Variants in TTN observed in about 807,000 individuals in gnomAD.
The protein encoded by TTN is connectin.
A neutral mutation model predicts 3,223.0 loss-of-function variants in TTN; 1,525 were observed. That is an observed-to-expected ratio of 0.47 (90% CI 0.45 to 0.49). The LOEUF is 0.49. Ranked by LOEUF, TTN falls within the 20% of genes least tolerant of loss-of-function variation. The pLI, the probability that TTN is intolerant of heterozygous loss-of-function variation, is 0.00. For missense variants in TTN, 40,786 were observed against 43,424.0 expected (o/e 0.94, Z 5.40); for synonymous variants, 14,094 against 15,161.0 (o/e 0.93, Z 5.17).
Position 178,633,344 on chromosome 2 carries a change from T to A in TTN, c.42947-18A>T, listed in dbSNP as rs766977954. The A allele has an allele frequency of 1.2e-6, 2 of 1,613,012 alleles. No individual in the cohort carries two copies. The highest frequency in any genetic ancestry group is 2.7e-5 in the African/African-American group (2 of 74,956). On this transcript the variant is annotated intron_variant, in intron 232 of 362. Transcript: ENST00000589042. ...TAGTCGAGCTGAAATGATACAGTTT[T>A]GTTAGCATGACTGAACTAATAAACT...
intron 41 of TTN, 147 bp downstream of exon 41, chr2:178,766,234 T>C (rs534724347): frequency 1.3e-5 from 9 of 700,342 alleles, no homozygotes; most frequent in African/African-American, 5.3e-5. Flanking sequence ...TTTCCATAGA[T>C]ATAATGTGAA....
chr2:178,604,267 T>C lies in TTN; in HGVS notation c.54420A>G (p.Arg18140=), dbSNP rs1378104923. ...KLIPNGQYEF[R]VRAVNKYGIS... is the part of the protein sequence containing the mutation. ...TTCCATATTTATTCACTGCCCTGAC[T>C]CGGAACTCATACTGACCATTGGGGA... Residue 18140 remains arginine (R), a synonymous_variant, in exon 282 of 363, where the codon CGA becomes CGG. Transcript: ENST00000589042. 1 of 1,557,148 alleles carries C rather than the reference T, an allele frequency of 6.4e-7. No individual in the cohort carries two copies. The highest frequency in any genetic ancestry group is 1.4e-5 in the African/African-American group (1 of 73,186).
In TTN at chr2:178,641,273, G is replaced by A; in HGVS notation, c.40601C>T (p.Pro13534Leu). The A allele has an allele frequency of 1.3e-6, 2 of 1,509,338 alleles. No homozygotes were observed. Among genetic ancestry groups the A allele is most frequent in the Non-Finnish European group, 8.8e-7 (1 of 1,130,538 alleles). The allele number at this position is 1,509,338 out of a possible 1,614,324, so 93.5% of individuals were successfully genotyped here. ...RPEEEEPKVE[P>L]KKLEKVKKPA... ...TTTTTTAACTTTTTCTAGTTTTTTA[G>A]GTTCTACTTTAGGTTCTTCTTCTTC... The change falls in exon 220 of 363, where the codon CCT becomes CTT. Residue 13534 changes from proline (P) to leucine (L), a missense_variant. Physicochemically the swap from Pro to Leu is moderately conservative, Grantham distance 98. Transcript: ENST00000589042.
In TTN at chr2:178,717,524, T is replaced by G. The variant is rs188712460; in HGVS notation, c.25350A>C (p.Ser8450=). The G allele has an allele frequency of 6.3e-7, 1 of 1,597,858 alleles. No homozygotes were observed. Among genetic ancestry groups the G allele is most frequent in the African/African-American group, 1.3e-5 (1 of 74,332 alleles). ...TASSSAKLIL[S]EHEVPPFFDL... ...AAGAGGGTACTGTGAGTTACTCACCTGAGAGAATGAGCTTGGCACTGGATG... is the reference window on the plus strand; with the variant it reads ...AAGAGGGTACTGTGAGTTACTCACCGGAGAGAATGAGCTTGGCACTGGATG... The change falls in exon 87 of 363, where the codon TCA becomes TCC. Residue 8450 remains serine, a splice_region_variant and synonymous_variant. Transcript: ENST00000589042.
chr2:178,568,509 C>G lies in TTN; in HGVS notation c.77623G>C (p.Val25875Leu), dbSNP rs763284241. 6.2e-7 allele frequency: 1 copy of G among 1,613,450 alleles called. No individual in the cohort carries two copies. Among genetic ancestry groups the G allele is most frequent in the East Asian group, 2.2e-5 (1 of 44,800 alleles). Residue 25875 changes from valine (V) to leucine (L), a missense_variant, in exon 326 of 363, where the codon GTT becomes CTT. Coordinates refer to ENST00000589042, the MANE Select transcript of TTN (RefSeq NM_001267550.2). ...GGQYGITVAN[V>L]VGQKTASIEI... Reference sequence around the variant, plus strand: ...ATGGATGCTGTCTTCTGACCAACAACATTGGCAACTGTGATTCCATATTGT... The same window carrying G: ...ATGGATGCTGTCTTCTGACCAACAAGATTGGCAACTGTGATTCCATATTGT...
intron 22 of TTN, 129 bp downstream of exon 22, chr2:178,779,871 C>G: frequency 1.2e-6 from 1 of 855,878 alleles, no homozygotes; most frequent in Non-Finnish European, 1.8e-6. Context: ...GGAAACTTAG[C>G]AACAGTGAAC....
chr2:178,799,257 A>C (rs2093927165), intron 6 of TTN: 3 of 592,954 alleles, frequency 5.1e-6, no homozygotes, highest in Admixed American at 3.1e-5. Context: ...GCCTATAAAA[A>C]CCCCTGAGAC....
chr2:178,566,055 T>C lies in TTN; in HGVS notation c.80077A>G (p.Lys26693Glu). 6.2e-7 allele frequency: 1 copy of C among 1,613,638 alleles called. No homozygotes were observed. Among genetic ancestry groups the C allele is most frequent in the East Asian group, 2.2e-5 (1 of 44,850 alleles). ...AAGGCAGAATCTTTTCTCACTTCTT[T>C]GACTGCCAAATTCTGTGGTGGTCCT... is the stretch of plus-strand genomic sequence containing the variant. The part of the protein sequence containing the change: ...TPGPPQNLAV[K>E]EVRKDSAFLV... Residue 26693 changes from lysine (K) to glutamate (E), a missense_variant, in exon 326 of 363, where the codon AAA becomes GAA. Transcript: ENST00000589042.
rs763109620 is a variant in TTN, at chr2:178,527,205, A to G, written c.107783T>C (p.Val35928Ala). Residue 35928 changes from valine (V) to alanine (A), a missense_variant, in exon 363 of 363, where the codon GTA (valine) becomes GCA (alanine). Val to Ala is a moderately conservative substitution (Grantham distance 64). Coordinates refer to ENST00000589042, the MANE Select transcript of TTN (RefSeq NM_001267550.2). ...CAFTGEPTPE[V>A]TWSCGGRKIH... is the part of the protein sequence containing the mutation. ...TTTTCTTCCACCACAGGACCATGTTACTTCTGGGGTAGGCTCACCCGTGAA... is the reference window on the plus strand; with the variant it reads ...TTTTCTTCCACCACAGGACCATGTTGCTTCTGGGGTAGGCTCACCCGTGAA... 2 of 1,613,948 alleles carry G rather than the reference A, an allele frequency of 1.2e-6. No individual in the cohort carries two copies. Among genetic ancestry groups the G allele is most frequent in the Non-Finnish European group, 1.7e-6 (2 of 1,179,870 alleles).
intron 217 of TTN, 31 bp from the exon 218 acceptor site, chr2:178,644,647 T>A: frequency 6.8e-7 from 1 of 1,480,532 alleles, no homozygotes; most frequent in South Asian, 1.3e-5. Context: ...CTTTTGTTAT[T>A]TGTATATTTA....
At chr2:178,717,494 C>G in intron 87 of TTN, 29 bp downstream of exon 87, 1 of 1,571,246 alleles carries the variant, frequency 6.4e-7, no homozygotes. Flanking sequence ...AGCTGCTTTA[C>G]AATGAAGAGG....
chr2:178,599,869 G>T lies in TTN; in HGVS notation c.56051-19C>A. The T allele has an allele frequency of 6.5e-7, 1 of 1,532,500 alleles. No individual in the cohort carries two copies. The highest frequency in any genetic ancestry group is 8.7e-7 in the Non-Finnish European group (1 of 1,144,636). 94.9% of individuals were successfully genotyped at this position (1,532,500 alleles called of 1,614,324 possible). A position where few individuals can be genotyped will look rare whatever the true frequency, so the allele number is the denominator to read the frequency against. On this transcript the variant is annotated intron_variant, in intron 288 of 362. Transcript: ENST00000589042. The stretch of plus-strand genomic sequence containing the variant: ...GGTGGGCCTAGATTATTTAAAAAAA[G>T]TTGTCATTAGGAGCAAAAAGCATTG...
chr2:178,715,562 C>A lies in TTN; in HGVS notation c.25852G>T (p.Gly8618Ter). The change falls in exon 89 of 363, where the codon GGA (glycine) becomes TGA (stop). Residue 8618 changes from glycine to a stop codon, truncating the protein, a stop_gained. Transcript: ENST00000589042. LOFTEE classifies it high-confidence loss of function. ...TTGTGGGCCTCACAGGTGTAGTCTC[C>A]ACTGTCTTCAACACTGAGATTGTGC... ...EMHNLSVEDS[G>*]DYTCEAHNAA... 6.2e-7 allele frequency: 1 copy of A among 1,613,644 alleles called. No individual in the cohort carries two copies. The highest frequency in any genetic ancestry group is 1.7e-5 in the Admixed American group (1 of 60,000).
chr2:178,776,630 A>G lies in TTN; in HGVS notation c.5234T>C (p.Leu1745Pro). 8 of 1,614,106 alleles carry G rather than the reference A, an allele frequency of 5.0e-6. No individual in the cohort carries two copies. Among genetic ancestry groups the G allele is most frequent in the Non-Finnish European group, 6.8e-6 (8 of 1,180,020 alleles). Reference protein sequence around the residue: ...VVEWLHDGKPLEAANRLRMIN... With the variant: ...VVEWLHDGKPPEAANRLRMIN... ...CATACGGAGCCTGTTGGCTGCTTCA[A>G]GTGGCTTTCCATCATGGAGCCACTC... The change falls in exon 28 of 363, where the codon CTT (leucine) becomes CCT (proline). Residue 1745 changes from leucine (L) to proline (P), a missense_variant. Transcript: ENST00000589042.
rs1288931485 is a variant in TTN at position 178,580,177 on chromosome 2, A to G, written c.67110T>C (p.Ser22370=). ...NVTVKEISKD[S]AYVTWEPPII... is the part of the protein sequence containing the mutation. ...TGGGAGGCTCCCAGGTAACATAAGC[A>G]GAGTCTTTGGATATTTCCTTAACAG... The change falls in exon 318 of 363, where the codon TCT becomes TCC. Residue 22370 remains serine (S), a synonymous_variant. Coordinates refer to ENST00000589042, the MANE Select transcript of TTN (RefSeq NM_001267550.2). The G allele has an allele frequency of 1.2e-6, 2 of 1,613,266 alleles. No individual in the cohort carries two copies. Among genetic ancestry groups the G allele is most frequent in the East Asian group, 4.5e-5 (2 of 44,736 alleles).
chr2:178,785,049 AT>A (rs981406761), intron 15 of TTN, among the ~76,000 whole-genome samples: 45 of 152,152 alleles, frequency 3.0e-4, no homozygotes, highest in African/African-American at 1.0e-3. Flanking sequence ...TTTTACTTGC[AT>A]TTTACATGTA....
rs770742837 is a variant in TTN at position 178,533,039 on chromosome 2, C to G, written c.103576G>C (p.Glu34526Gln). 182 of 1,613,804 alleles carry G rather than the reference C, an allele frequency of 1.1e-4. No homozygotes were observed. The highest frequency in any genetic ancestry group is 1.5e-4 in the Non-Finnish European group (178 of 1,179,880). The change falls in exon 358 of 363, where the codon GAG becomes CAG. Residue 34526 changes from glutamate (E) to glutamine (Q), a missense_variant. Physicochemically the swap from Glu to Gln is conservative, Grantham distance 29. Coordinates refer to ENST00000589042, the MANE Select transcript of TTN (RefSeq NM_001267550.2). ...CTCTCCTCCTTCTTTTCTTCTATCTCAAGTCTGAATTCCCCTTTTACAGTC... is the reference window on the plus strand; with the variant it reads ...CTCTCCTCCTTCTTTTCTTCTATCTGAAGTCTGAATTCCCCTTTTACAGTC... ...TKTVKGEFRLEIEEKKEERKL... is the reference protein window; with the variant it reads ...TKTVKGEFRLQIEEKKEERKL...
At chr2:178,622,536 T>C in intron 243 of TTN, 134 bp downstream of exon 243, 1 of 660,202 alleles carries the variant, frequency 1.5e-6, no homozygotes, top group Non-Finnish European at 2.6e-6. Flanking sequence ...ATACATTTTA[T>C]ACTACAATTA....
chr2:178,639,934 G>A (rs542946149), intron 222 of TTN, 114 bp downstream of exon 222: 126 of 1,462,200 alleles, frequency 8.6e-5, no homozygotes, highest in Middle Eastern at 3.5e-4. Context: ...ATTTTGAGAC[G>A]TTAGAAATCA....
Sources: gnomAD v4.1 joint callset for allele counts (sites outside exome capture counted in the v4.1 genomes callset) on GRCh38, gnomAD v4.1.1 for gene constraint, MANE v1.5 for transcripts, NCBI Gene and HGNC (gene_info 2026-07-23, HGNC 2026-07-21) for gene names.